The following ROBO2 variants were observed in gnomAD, a reference collection of about 807,000 sequenced individuals.
ROBO2 encodes roundabout guidance receptor 2.
A neutral mutation model predicts 160.8 loss-of-function variants in ROBO2; 53 were observed. The ratio of observed to expected loss-of-function variants is 0.33; its 90% CI spans 0.26 to 0.41. The LOEUF (loss-of-function observed/expected upper bound fraction) is 0.41, where lower values mean the gene tolerates loss of function less well. Among genes scored for constraint, ROBO2 ranks in the 10% least tolerant of loss-of-function variants. ROBO2 has a pLI of 1.00. For missense variants in ROBO2, 1,577 were observed against 1,722.4 expected (o/e 0.92, Z 1.49); for synonymous variants, 664 against 611.7 (o/e 1.09, Z -1.26).
intron 2 of ROBO2, among the ~76,000 whole-genome samples, chr3:76,564,945 C>T (rs1003149953): frequency 6.6e-6 from 1 of 151,986 alleles, no homozygotes; most frequent in African/African-American, 2.4e-5. Flanking sequence ...TGTAGAATGA[C>T]CATAAAATTT....
chr3:77,567,696 A>G (rs2093524278), intron 12 of ROBO2, among the ~76,000 whole-genome samples: 1 of 152,038 alleles, frequency 6.6e-6, no homozygotes, highest in Non-Finnish European at 1.5e-5. Flanking sequence ...TATTATAACT[A>G]TTTCTGTCAA....
chr3:77,443,914 A>G (rs1581990321), intron 2 of ROBO2, among the ~76,000 whole-genome samples: 1 of 152,132 alleles, frequency 6.6e-6, no homozygotes, highest in East Asian at 1.9e-4. Flanking sequence ...CTTGATTCTC[A>G]TGTCATTCTT....
intron 2 of ROBO2, among the ~76,000 whole-genome samples, chr3:76,771,978 C>A (rs1262326798): frequency 6.6e-6 from 1 of 151,294 alleles, no homozygotes; most frequent in Non-Finnish European, 1.5e-5. Flanking sequence ...CAAATATTAT[C>A]GTTGCTACCA....
At chr3:77,355,695 G>T (rs2069009049) in intron 2 of ROBO2, among the ~76,000 whole-genome samples, 1 of 152,074 alleles carries the variant, frequency 6.6e-6, no homozygotes, top group Non-Finnish European at 1.5e-5. Flanking sequence ...TCATAGGAAA[G>T]TTTAATATAA....
chr3:76,636,878 A>G (rs2109583227), intron 2 of ROBO2, among the ~76,000 whole-genome samples: 1 of 152,210 alleles, frequency 6.6e-6, no homozygotes, highest in African/African-American at 2.4e-5. Flanking sequence ...GATGTCCCGT[A>G]AAGCAATAGT....
chr3:76,553,458 G>C (rs993889334), intron 2 of ROBO2, among the ~76,000 whole-genome samples: 1 of 152,250 alleles, frequency 6.6e-6, no homozygotes, highest in African/African-American at 2.4e-5. Context: ...TTTCAGTGGA[G>C]TGTTATGATC....
At chr3:75,975,691 C>T (rs963143377) in intron 2 of ROBO2, among the ~76,000 whole-genome samples, 4 of 151,462 alleles carry the variant, frequency 2.6e-5, no homozygotes, top group African/African-American at 9.7e-5. Flanking sequence ...CTGATTACTT[C>T]TCAGTAAACA....
intron 2 of ROBO2, among the ~76,000 whole-genome samples, chr3:76,491,193 T>C (rs11917350): frequency 0.28 from 41,993 of 151,732 alleles, 7,270 homozygotes; most frequent in African/African-American, 0.48. Flanking sequence ...CTCCTGACCT[T>C]GTGATCCGAC....
intron 1 of ROBO2, among the ~76,000 whole-genome samples, chr3:75,933,018 G>A (rs578075516): frequency 5.6e-4 from 85 of 152,172 alleles, no homozygotes; most frequent in African/African-American, 1.5e-3. Context: ...TAAAGGCCAG[G>A]TACAGTTTAG....
chr3:77,596,820 A>AT (rs1559692338), intron 19 of ROBO2, 70 bp downstream of exon 20: 14 of 1,571,336 alleles, frequency 8.9e-6, no homozygotes, highest in Admixed American at 7.0e-5. Context: ...ACCTTCCTGG[A>AT]TTTTTTTAAA....
intron 2 of ROBO2, among the ~76,000 whole-genome samples, chr3:76,972,109 A>G (rs2059599552): frequency 6.6e-6 from 1 of 152,146 alleles, no homozygotes; most frequent in Non-Finnish European, 1.5e-5. Context: ...ATTACATCTA[A>G]CACCTTAACA....
rs780330847 is a variant in ROBO2, at chr3:75,997,070, T to A, written c.109+59468T>A. 1.1e-3 allele frequency among the ~76,000 whole-genome samples: 167 copies of A among 152,310 alleles called. 1 individual carries two copies. The highest frequency in any genetic ancestry group is 1.7e-3 in the East Asian group (9 of 5,188). On this transcript the variant is annotated intron_variant, in intron 2 of 26. Coordinates refer to the ROBO2 transcript ENST00000487694. ...ATGTCATTTCTTTATTTGTCTATTA[T>A]TTGCCACTGTAACTCAATTGTTCAA...
intron 2 of ROBO2, among the ~76,000 whole-genome samples, chr3:76,210,612 A>G (rs1319305872): frequency 1.3e-5 from 2 of 152,150 alleles, no homozygotes; most frequent in Non-Finnish European, 2.9e-5. Flanking sequence ...ATAAATATAA[A>G]TGCTGTTTTG....
chr3:76,750,209 C>G (rs1336789589), intron 2 of ROBO2, among the ~76,000 whole-genome samples: 1 of 152,086 alleles, frequency 6.6e-6, no homozygotes, highest in Non-Finnish European at 1.5e-5. Context: ...ATGATTATCT[C>G]AGTAGATGCA....
chr3:77,391,171 G>C (rs1204056289), intron 2 of ROBO2, among the ~76,000 whole-genome samples: 5 of 152,056 alleles, frequency 3.3e-5, no homozygotes, highest in Admixed American at 3.3e-4. Context: ...TATTGTACAA[G>C]TTTAGAAAGG....
chr3:77,372,575 T>A (rs1202548911), intron 2 of ROBO2, among the ~76,000 whole-genome samples: 1 of 152,130 alleles, frequency 6.6e-6, no homozygotes, highest in Non-Finnish European at 1.5e-5. Flanking sequence ...TTGCTTAAAG[T>A]CATAGAATAA....
intron 4 of ROBO2, among the ~76,000 whole-genome samples, chr3:77,492,096 G>T (rs189641547): frequency 2.6e-5 from 4 of 152,214 alleles, no homozygotes; most frequent in Admixed American, 6.5e-5. Flanking sequence ...AAATTAGAAG[G>T]TTTGAAACTC....
In ROBO2 at chr3:77,264,987, C is replaced by T. The variant is rs922786751; in HGVS notation, c.388+166647C>T. Among the ~76,000 whole-genome samples the T allele has an allele frequency of 2.0e-5, 3 of 152,134 alleles. No individual in the cohort carries two copies. In the East Asian group the frequency reaches 5.8e-4, roughly 29 times the overall value. On this transcript the variant is annotated intron_variant, in intron 2 of 25. Transcript: ENST00000461745. ...AATACCTTGAACAATTAGAAAATTT[C>T]CTGGATTGATGATTGCCCATTTTGC...
At chr3:77,260,130 G>T (rs1343938537) in intron 2 of ROBO2, among the ~76,000 whole-genome samples, 2 of 152,172 alleles carry the variant, frequency 1.3e-5, no homozygotes. Flanking sequence ...TAAAACAGGT[G>T]GTCATCGAGA....
Sources: gnomAD v4.1 joint callset for allele counts (sites outside exome capture counted in the v4.1 genomes callset) on GRCh38, gnomAD v4.1.1 for gene constraint, MANE v1.5 for transcripts, NCBI Gene and HGNC (gene_info 2026-07-23, HGNC 2026-07-21) for gene names.